ANKRD45: variants seen among roughly 807,000 people sequenced by gnomAD.
ANKRD45 encodes ankyrin repeat domain 45.
Under a neutral mutation model 28.1 loss-of-function variants are expected in ANKRD45, and 21 were observed. That is an observed-to-expected ratio of 0.75 (90% CI 0.53 to 1.08). ANKRD45 has a LOEUF of 1.08. Ranked by LOEUF, ANKRD45 falls within the 50% of genes least tolerant of loss-of-function variation. ANKRD45 has a pLI of 0.00. For synonymous variants in ANKRD45, 86 were observed against 103.9 expected, an observed-to-expected ratio of 0.83 and a Z score of 1.05; for missense variants, 261 against 308.7, an observed-to-expected ratio of 0.85 and a Z score of 1.16.
At chr1:173,635,884 C>A in intron 3 of ANKRD45, 1 of 1,404,384 alleles carries the variant, frequency 7.1e-7, no homozygotes, top group South Asian at 1.3e-5. Context: ...TACAAAATCT[C>A]TAAGGGTTTA....
chr1:173,703,408 G>C, the ANKRD45 span, among the ~76,000 whole-genome samples: 1 of 151,906 alleles, frequency 6.6e-6, no homozygotes, highest in African/African-American at 2.4e-5. Context: ...GTTTCACCGT[G>C]TTGGCCAGGC....
At chr1:173,616,459 A>G (rs565792093) in intron 5 of ANKRD45, among the ~76,000 whole-genome samples, 1 of 152,326 alleles carries the variant, frequency 6.6e-6, no homozygotes, top group South Asian at 2.1e-4. Context: ...TTCTTTTCAG[A>G]GAGGTAAAAC....
chr1:173,613,572 C>CCCCG (rs1445830390), intron 5 of ANKRD45, among the ~76,000 whole-genome samples: 1 of 145,486 alleles, frequency 6.9e-6, no homozygotes, highest in African/African-American at 2.7e-5. Flanking sequence ...GCCCCCCCCC[C>CCCCG]GGCCAGCCGC....
chr1:173,627,200 A>G (rs367694905), intron 3 of ANKRD45, 41 bp from the exon 4 acceptor site: 48 of 1,364,608 alleles, frequency 3.5e-5, no homozygotes, highest in Non-Finnish European at 5.0e-5. Context: ...CAAGACAAAC[A>G]CAAGAGGCAA....
At chr1:173,669,743 G>A (rs1670184130) in intron 1 of ANKRD45, 74 bp downstream of exon 1, 4 of 269,130 alleles carry the variant, frequency 1.5e-5, no homozygotes, top group African/African-American at 6.7e-5. Context: ...CTGGAGGGAA[G>A]ATGTCCGTCT....
At chr1:173,706,079 T>C in the ANKRD45 span, among the ~76,000 whole-genome samples, 11 of 151,726 alleles carry the variant, frequency 7.2e-5, no homozygotes, top group African/African-American at 2.7e-4. Flanking sequence ...CCGAGGCGGG[T>C]GGATCACAAG....
the ANKRD45 span, among the ~76,000 whole-genome samples, chr1:173,678,263 A>C: frequency 1.3e-5 from 2 of 152,316 alleles, no homozygotes; most frequent in Middle Eastern, 3.4e-3. Context: ...AAAACAAAAA[A>C]AGAAAATTTT....
the ANKRD45 span, among the ~76,000 whole-genome samples, chr1:173,686,644 A>G: frequency 6.6e-6 from 1 of 152,212 alleles, no homozygotes; most frequent in South Asian, 2.1e-4. Context: ...TTTCTAAGAA[A>G]TTGACCTTTT....
chr1:173,702,885 C>T, the ANKRD45 span, among the ~76,000 whole-genome samples: 1 of 152,072 alleles, frequency 6.6e-6, no homozygotes, highest in Admixed American at 6.6e-5. Flanking sequence ...ACCACCATGC[C>T]TGGCTAATTT....
the ANKRD45 span, among the ~76,000 whole-genome samples, chr1:173,683,941 CAT>C: frequency 6.6e-6 from 1 of 152,202 alleles, no homozygotes; most frequent in East Asian, 1.9e-4. Flanking sequence ...ATCCCTGACA[CAT>C]GTGGCCCTTC....
rs758158759 is a variant in ANKRD45 at position 173,635,882 on chromosome 1, C to A, written c.497-8723G>T. On this transcript the variant is annotated intron_variant, in intron 3 of 5. Transcript: ENST00000333279. ...ATACAAGTAGTAATAGTTACAAAAT[C>A]TCTAAGGGTTTAGAACATAATATTA... The A allele has an allele frequency of 3.6e-6, 5 of 1,406,498 alleles. No homozygotes were observed. The South Asian group carries it at 6.6e-5, about 19-fold the overall frequency. 87.1% of individuals were successfully genotyped at this position (1,406,498 alleles called of 1,614,324 possible).
At chr1:173,700,279 T>C in the ANKRD45 span, among the ~76,000 whole-genome samples, 35 of 152,280 alleles carry the variant, frequency 2.3e-4, no homozygotes, top group African/African-American at 7.9e-4. Context: ...GCCATCCCCA[T>C]CAAGTTACCA....
At chr1:173,649,788 A>G (rs1417838630) in intron 2 of ANKRD45, among the ~76,000 whole-genome samples, 1 of 152,152 alleles carries the variant, frequency 6.6e-6, no homozygotes, top group Non-Finnish European at 1.5e-5. Flanking sequence ...ATGTCTTACA[A>G]TCATCTGTAA....
At chr1:173,667,425 C>T (rs114676393) in intron 1 of ANKRD45, among the ~76,000 whole-genome samples, 240 of 152,164 alleles carry the variant, frequency 1.6e-3, no homozygotes, top group Middle Eastern at 0.01. Flanking sequence ...CACTTGTGGC[C>T]AGGAGCAGTG....
the ANKRD45 span, among the ~76,000 whole-genome samples, chr1:173,694,924 C>T: frequency 6.0e-4 from 91 of 152,226 alleles, no homozygotes; most frequent in African/African-American, 2.1e-3. Flanking sequence ...ACACAGAAAA[C>T]AACAGATTCT....
chr1:173,628,662 T>C (rs1668050427), intron 3 of ANKRD45, among the ~76,000 whole-genome samples: 1 of 152,216 alleles, frequency 6.6e-6, no homozygotes, highest in African/African-American at 2.4e-5. Flanking sequence ...CTCCAGGACT[T>C]GACTCCCAGA....
At chr1:173,645,835 C>T (rs893761393) in intron 3 of ANKRD45, among the ~76,000 whole-genome samples, 2 of 152,160 alleles carry the variant, frequency 1.3e-5, no homozygotes, top group East Asian at 3.8e-4. Flanking sequence ...CCAGCTCAAG[C>T]CCAACATGCT....
intron 2 of ANKRD45, among the ~76,000 whole-genome samples, chr1:173,648,367 C>A (rs543888573): frequency 8.5e-5 from 13 of 152,290 alleles, no homozygotes; most frequent in African/African-American, 3.1e-4. Context: ...AACCACCACA[C>A]CCAGCCACTC....
In ANKRD45 at chr1:173,613,564, C is replaced by CT. The variant is rs1367590870; in HGVS notation, c.731-3350_731-3349insA. Among the ~76,000 whole-genome samples the CT allele has an allele frequency of 1.7e-5, 2 of 118,952 alleles. 1 individual carries two copies. Among genetic ancestry groups the CT allele is most frequent in the African/African-American group, 1.3e-4 (2 of 15,096 alleles). 78.0% of individuals were successfully genotyped at this position (118,952 alleles called of 152,430 possible). On this transcript the variant is annotated intron_variant, in intron 5 of 5. Transcript: ENST00000333279. The stretch of plus-strand genomic sequence containing the variant: ...TCCGGGAGGGAGGTGGGGGGTCAGC[C>CT]CCCCCCCCGGCCAGCCGCCCCGTCC...
Sources: allele counts gnomAD v4.1 joint callset (sites outside exome capture counted in the v4.1 genomes callset), GRCh38; gene constraint gnomAD v4.1.1; transcripts MANE v1.5; gene names NCBI Gene and HGNC (gene_info 2026-07-23, HGNC 2026-07-21).